The following RASEF variants were observed in gnomAD, a reference collection of about 807,000 sequenced individuals.
The protein encoded by RASEF is RAS and EF-hand domain containing, also known as ras and EF-hand domain-containing protein.
In RASEF, 68 loss-of-function variants were observed where a neutral mutation model predicts 90.1. That is an observed-to-expected ratio of 0.75 (90% CI 0.62 to 0.92). The LOEUF is 0.92. Among genes scored for constraint, RASEF ranks in the 40% least tolerant of loss-of-function variants. The pLI is 0.00. For missense variants in RASEF, 949 were observed against 937.2 expected, an observed-to-expected ratio of 1.01 and a Z score of -0.16; for synonymous variants, 331 against 345.2, an observed-to-expected ratio of 0.96 and a Z score of 0.46.
chr9:83,000,818 T>C (rs1829021588), intron 10 of RASEF, 78 bp downstream of exon 10: 4 of 1,263,534 alleles, frequency 3.2e-6, no homozygotes, highest in Non-Finnish European at 4.5e-6. Context: ...CAGATTTCCA[T>C]GACAGATAGA....
rs764123390 is a variant in RASEF at position 83,014,025 on chromosome 9, G to A, written c.766-1514C>T. Among the ~76,000 whole-genome samples the A allele has an allele frequency of 5.9e-5, 9 of 152,252 alleles. No individual in the cohort carries two copies. In the East Asian group the frequency reaches 1.2e-3, roughly 20 times the overall value. On this transcript the variant is annotated intron_variant, in intron 4 of 16. Coordinates refer to ENST00000376447, the MANE Select transcript of RASEF (RefSeq NM_152573.4). ...TCAGACCACTTGGGCCTCATCAGTC[G>A]CTGCATCTCTTCTTGTAGACATTCC... is the stretch of plus-strand genomic sequence containing the variant.
chr9:83,092,343 T>C, the RASEF span, among the ~76,000 whole-genome samples: 1 of 151,988 alleles, frequency 6.6e-6, no homozygotes, highest in African/African-American at 2.4e-5. Flanking sequence ...TCGCGGTGAG[T>C]GTTACAGCTC....
the RASEF span, among the ~76,000 whole-genome samples, chr9:83,070,466 C>T: frequency 1.0e-3 from 159 of 152,176 alleles, no homozygotes; most frequent in Non-Finnish European, 2.0e-3. Flanking sequence ...CATTACATTC[C>T]TTTCTATTGA....
chr9:83,016,513 T>C (rs1393986907), intron 3 of RASEF, among the ~76,000 whole-genome samples: 1 of 152,154 alleles, frequency 6.6e-6, no homozygotes, highest in Non-Finnish European at 1.5e-5. Flanking sequence ...TAATAAATGA[T>C]ACAATTTTAT....
chr9:83,203,813 G>T, the RASEF span, among the ~76,000 whole-genome samples: 8 of 152,142 alleles, frequency 5.3e-5, no homozygotes, highest in African/African-American at 1.9e-4. Flanking sequence ...GAAGTGCATG[G>T]TGCCAGCAGA....
At chr9:83,058,073 C>A (rs1467379845) in intron 1 of RASEF, among the ~76,000 whole-genome samples, 1 of 149,986 alleles carries the variant, frequency 6.7e-6, no homozygotes, top group Admixed American at 6.6e-5. Context: ...TCCCCTCCAT[C>A]TGAGCTCTGT....
the RASEF span, among the ~76,000 whole-genome samples, chr9:83,113,059 T>C: frequency 6.6e-6 from 1 of 152,206 alleles, no homozygotes; most frequent in Admixed American, 6.5e-5. Context: ...TAAAATAAGA[T>C]AAAATATTGA....
At chr9:83,215,779 A>C in the RASEF span, among the ~76,000 whole-genome samples, 1 of 152,204 alleles carries the variant, frequency 6.6e-6, no homozygotes, top group Non-Finnish European at 1.5e-5. Flanking sequence ...TCAGAAGAAG[A>C]CAGGAAAATA....
intron 16 of RASEF, among the ~76,000 whole-genome samples, chr9:82,983,428 G>A (rs1828654334): frequency 6.6e-6 from 1 of 152,148 alleles, no homozygotes; most frequent in African/African-American, 2.4e-5. Flanking sequence ...TACTCTCCAA[G>A]ATCTTATGAA....
chr9:83,083,239 C>T, the RASEF span, among the ~76,000 whole-genome samples: 3 of 152,084 alleles, frequency 2.0e-5, no homozygotes, highest in Non-Finnish European at 4.4e-5. Flanking sequence ...TGGTCTATGG[C>T]CATACTACCA....
chr9:83,111,898 A>G, the RASEF span, among the ~76,000 whole-genome samples: 1 of 152,064 alleles, frequency 6.6e-6, no homozygotes, highest in Non-Finnish European at 1.5e-5. Context: ...TGACAAAATT[A>G]AATAATACTT....
chr9:82,988,391 T>C lies in RASEF; in HGVS notation c.2117+2000A>G, dbSNP rs981219603. On this transcript the variant is annotated intron_variant, in intron 16 of 16. Transcript: ENST00000376447. ...ATTCACAGCCAAAAACAAACAAACATACAAAAAAACACACAAAATAACCCA... is the reference window on the plus strand; with the variant it reads ...ATTCACAGCCAAAAACAAACAAACACACAAAAAAACACACAAAATAACCCA... Among the ~76,000 whole-genome samples the C allele has an allele frequency of 4.6e-5, 7 of 151,834 alleles. 1 individual carries two copies. The highest frequency in any genetic ancestry group is 1.2e-4 in the African/African-American group (5 of 41,260).
chr9:83,124,899 C>A, the RASEF span, among the ~76,000 whole-genome samples: 2 of 152,224 alleles, frequency 1.3e-5, no homozygotes, highest in East Asian at 3.9e-4. Flanking sequence ...AACCCCACAA[C>A]AGGCCATTAG....
At chr9:83,048,693 T>A (rs1331991285) in intron 1 of RASEF, 12 of 985,324 alleles carry the variant, frequency 1.2e-5, no homozygotes, top group Non-Finnish European at 1.3e-5. Flanking sequence ...TCCATAGTGT[T>A]ATGCCCTCAA....
At chr9:83,100,701 A>G in the RASEF span, among the ~76,000 whole-genome samples, 18 of 152,268 alleles carry the variant, frequency 1.2e-4, 1 homozygote, top group South Asian at 3.5e-3. Flanking sequence ...TACCTCTTGC[A>G]ACTCCTAGAA....
At chr9:83,171,936 C>A in the RASEF span, among the ~76,000 whole-genome samples, 3 of 151,488 alleles carry the variant, frequency 2.0e-5, no homozygotes, top group Admixed American at 6.6e-5. Context: ...GATCTGTATT[C>A]TTTTCTTCTA....
chr9:83,162,134 G>A, the RASEF span, among the ~76,000 whole-genome samples: 3 of 152,112 alleles, frequency 2.0e-5, no homozygotes, highest in African/African-American at 7.2e-5. Context: ...TCCTTTAGCA[G>A]AATTTACTCT....
At chr9:83,205,838 C>T in the RASEF span, among the ~76,000 whole-genome samples, 27 of 152,290 alleles carry the variant, frequency 1.8e-4, no homozygotes, top group African/African-American at 6.0e-4. Flanking sequence ...GGTCAAACCT[C>T]GGCCTTTCCT....
At chr9:82,990,654 A>G (rs1204151848) in intron 15 of RASEF, among the ~76,000 whole-genome samples, 187 bp from the exon 16 acceptor site, 1 of 152,240 alleles carries the variant, frequency 6.6e-6, no homozygotes, top group Non-Finnish European at 1.5e-5. Flanking sequence ...TTACTCCAGG[A>G]AAAGTTCCTA....
Sources: allele counts gnomAD v4.1 joint callset (sites outside exome capture counted in the v4.1 genomes callset), GRCh38; gene constraint gnomAD v4.1.1; transcripts MANE v1.5; gene names NCBI Gene and HGNC (gene_info 2026-07-23, HGNC 2026-07-21).